Variants in USH2A observed in about 807,000 individuals in gnomAD.
The protein encoded by USH2A is usherin, also known as Usher syndrome 2A (autosomal recessive, mild).
USH2A carries 443 observed loss-of-function variants against 538.9 expected under a neutral mutation model. The observed-to-expected ratio is 0.82, with a 90% CI of 0.76 to 0.89. The LOEUF is 0.89. Ranked by LOEUF, USH2A falls within the 40% of genes least tolerant of loss-of-function variation. USH2A has a pLI of 0.00. For missense variants in USH2A, 6,633 were observed against 6,324.8 expected (o/e 1.05, Z -1.65); for synonymous variants, 2,413 against 2,273.5 (o/e 1.06, Z -1.75).
intron 20 of USH2A, among the ~76,000 whole-genome samples, chr1:216,178,107 C>G (rs752636655): frequency 2.0e-5 from 3 of 152,096 alleles, no homozygotes; most frequent in African/African-American, 7.2e-5. Flanking sequence ...ACTTTTTAGA[C>G]CTTCGGCCAG....
At chr1:215,786,458 T>C (rs1199816089) in intron 52 of USH2A, among the ~76,000 whole-genome samples, 1 of 152,210 alleles carries the variant, frequency 6.6e-6, no homozygotes, top group African/African-American at 2.4e-5. Flanking sequence ...TACAACCTTG[T>C]TTAAATAGAC....
At position 216,391,426 on chromosome 1, in the gene USH2A, C is replaced by T. The variant is rs148794312; in HGVS notation, c.652-26341G>A. Among the ~76,000 whole-genome samples the T allele has an allele frequency of 4.2e-3, 634 of 152,254 alleles. 3 individuals carry two copies. Among genetic ancestry groups the T allele is most frequent in the Non-Finnish European group, 5.7e-3 (388 of 68,010 alleles). On this transcript the variant is annotated intron_variant, in intron 3 of 71. Transcript: ENST00000307340. ...CTCATCACATTACTTTACCATCTGC[C>T]AGCTTACTCAGTTAACAAACCATTA...
At chr1:215,853,667 C>T (rs1664079729) in intron 44 of USH2A, among the ~76,000 whole-genome samples, 1 of 152,172 alleles carries the variant, frequency 6.6e-6, no homozygotes, top group South Asian at 2.1e-4. Context: ...TGTTTTGCTA[C>T]TTAGAAATTT....
intron 3 of USH2A, 101 bp downstream of exon 3, chr1:216,418,413 G>A: frequency 3.0e-6 from 4 of 1,350,230 alleles, no homozygotes; most frequent in Non-Finnish European, 3.1e-6. Flanking sequence ...AAATCTAAAA[G>A]ATACTGCTGC....
chr1:215,648,430 CA>C, intron 66 of USH2A, 97 bp downstream of exon 66: 1 of 1,287,136 alleles, frequency 7.8e-7, no homozygotes, highest in Non-Finnish European at 1.1e-6. Flanking sequence ...GGTAGCTATA[CA>C]GGTTTGTAGC....
intron 3 of USH2A, among the ~76,000 whole-genome samples, chr1:216,371,061 C>A (rs975602452): frequency 6.6e-5 from 10 of 152,196 alleles, no homozygotes; most frequent in Non-Finnish European, 1.0e-4. Context: ...TAGTATTCTG[C>A]CTCTGCAGAT....
At chr1:215,772,983 G>A (rs1444740102) in intron 55 of USH2A, among the ~76,000 whole-genome samples, 1 of 152,218 alleles carries the variant, frequency 6.6e-6, no homozygotes, top group Non-Finnish European at 1.5e-5. Flanking sequence ...CAAACTGGAT[G>A]TGTGGTCTGG....
At chr1:215,811,359 T>C (rs1225922950) in intron 49 of USH2A, among the ~76,000 whole-genome samples, 4 of 152,178 alleles carry the variant, frequency 2.6e-5, no homozygotes, top group Non-Finnish European at 5.9e-5. Flanking sequence ...AACATCACTA[T>C]TGTAAAACCT....
intron 57 of USH2A, among the ~76,000 whole-genome samples, chr1:215,759,051 CT>C (rs1414137923): frequency 1.3e-5 from 2 of 152,168 alleles, no homozygotes; most frequent in Admixed American, 1.3e-4. Flanking sequence ...TCAAATTAAT[CT>C]TCCCCATTTT....
chr1:215,959,262 C>T (rs1464357832), intron 37 of USH2A, among the ~76,000 whole-genome samples: 7 of 151,820 alleles, frequency 4.6e-5, no homozygotes, highest in Non-Finnish European at 7.4e-5. Context: ...TTTTCATTTG[C>T]CTTTTTAAAA....
intron 9 of USH2A, among the ~76,000 whole-genome samples, chr1:216,312,073 A>T (rs373639310): frequency 6.6e-6 from 1 of 151,990 alleles, no homozygotes. Context: ...TTCCTTTAAC[A>T]TTCTTGCAAG....
At chr1:216,190,810 C>T (rs748786876) in intron 19 of USH2A, among the ~76,000 whole-genome samples, 3 of 151,662 alleles carry the variant, frequency 2.0e-5, no homozygotes, top group African/African-American at 7.3e-5. Context: ...TATGTTAAAT[C>T]GATACTATCA....
At chr1:216,200,360 T>G (rs1056501883) in intron 16 of USH2A, among the ~76,000 whole-genome samples, 1 of 152,134 alleles carries the variant, frequency 6.6e-6, no homozygotes, top group Non-Finnish European at 1.5e-5. Flanking sequence ...TTTGTTTTAG[T>G]TCTTCTTTTG....
intron 15 of USH2A, among the ~76,000 whole-genome samples, chr1:216,211,350 C>T (rs1015246572): frequency 2.6e-5 from 4 of 152,102 alleles, no homozygotes; most frequent in South Asian, 2.1e-4. Flanking sequence ...ACCCCTCACC[C>T]GTGGAATCTG....
chr1:216,403,367 C>G (rs529354921), intron 3 of USH2A, among the ~76,000 whole-genome samples: 6 of 151,956 alleles, frequency 3.9e-5, no homozygotes, highest in Non-Finnish European at 8.8e-5. Flanking sequence ...AGATTAGGAA[C>G]AAGAAGAGCA....
chr1:215,816,413 TA>T (rs1183827215), intron 48 of USH2A, among the ~76,000 whole-genome samples: 1 of 152,080 alleles, frequency 6.6e-6, no homozygotes, highest in Non-Finnish European at 1.5e-5. Flanking sequence ...GTAAATCTTA[TA>T]AATTTAGTAG....
intron 30 of USH2A, among the ~76,000 whole-genome samples, chr1:216,053,687 C>T (rs778772889): frequency 6.6e-6 from 1 of 152,066 alleles, no homozygotes; most frequent in African/African-American, 2.4e-5. Flanking sequence ...AACACAGGAG[C>T]GTGGGTATCC....
At chr1:215,884,315 T>C (rs1349596812) in intron 41 of USH2A, among the ~76,000 whole-genome samples, 2 of 151,988 alleles carry the variant, frequency 1.3e-5, no homozygotes, top group East Asian at 1.9e-4. Flanking sequence ...TGATGTTCAG[T>C]TTATATGTTG....
intron 47 of USH2A, among the ~76,000 whole-genome samples, chr1:215,824,484 A>T (rs180806567): frequency 8.1e-4 from 124 of 152,154 alleles, no homozygotes; most frequent in African/African-American, 2.9e-3. Context: ...GGAGGTTCCA[A>T]AGGGGATATC....
Sources: gnomAD v4.1 joint callset for allele counts (sites outside exome capture counted in the v4.1 genomes callset) on GRCh38, gnomAD v4.1.1 for gene constraint, MANE v1.5 for transcripts, NCBI Gene and HGNC (gene_info 2026-07-23, HGNC 2026-07-21) for gene names.